Variants in PWWP3B observed in about 807,000 individuals in gnomAD.
PWWP3B encodes PWWP domain-containing DNA repair factor 3B.
In PWWP3B, 5 loss-of-function variants were observed where a neutral mutation model predicts 15.7. The observed-to-expected ratio is 0.32, with a 90% CI of 0.17 to 0.67. The LOEUF is 0.67. Among genes scored for constraint, PWWP3B ranks in the 30% least tolerant of loss-of-function variants. The probability of loss-of-function intolerance (pLI) is 0.74; values close to 1 mark genes in which losing one functional copy is unlikely to be tolerated. For missense variants in PWWP3B, 519 were observed against 493.1 expected, an observed-to-expected ratio of 1.05 and a Z score of -0.50; for synonymous variants, 203 against 179.8, an observed-to-expected ratio of 1.13 and a Z score of -1.03.
In PWWP3B at chrX:106,204,166, A is replaced by G. The variant is rs773255989; in HGVS notation, c.-219A>G. On this transcript the variant is annotated 5_prime_UTR_variant, in exon 3 of 4. Transcript: ENST00000357175. ...CCAGACCCACCAGGATCCACATGACAGTGGGTAAGACTCTTCCCATTTCAT... is the reference window on the plus strand; with the variant it reads ...CCAGACCCACCAGGATCCACATGACGGTGGGTAAGACTCTTCCCATTTCAT... 2.7e-4 allele frequency: 30 copies of G among 112,307 alleles called. No individual in the cohort carries two copies. Among genetic ancestry groups the G allele is most frequent in the African/African-American group, 9.4e-4 (29 of 30,971 alleles). 9.3% of individuals were successfully genotyped at this position (112,307 alleles called of 1,213,427 possible).
chrX:106,188,025 CCT>C (rs912726716), intron 2 of PWWP3B, among the ~76,000 whole-genome samples: 5 of 111,482 alleles, frequency 4.5e-5, no homozygotes, highest in Admixed American at 2.9e-4. Flanking sequence ...TTCCTTCCCT[CCT>C]CTCTTTCCAC....
intron 2 of PWWP3B, among the ~76,000 whole-genome samples, chrX:106,175,598 G>C (rs1489752587): frequency 9.0e-6 from 1 of 110,630 alleles, no homozygotes; most frequent in East Asian, 2.9e-4. Flanking sequence ...CATCATCTTT[G>C]GTTCTACCAA....
intron 2 of PWWP3B, among the ~76,000 whole-genome samples, chrX:106,196,547 A>AT (rs992302640): frequency 1.8e-5 from 2 of 110,819 alleles, no homozygotes; most frequent in East Asian, 2.8e-4. Flanking sequence ...AATTGAGATG[A>AT]TTTTTTTTCT....
In PWWP3B at chrX:106,206,741, A is replaced by C. The variant is rs778299492; in HGVS notation, c.1309A>C (p.Arg437=). ...ANMNSEKKGI[R]VNFRRLKKFD... ...CATGAATTCTGAAAAGAAGGGCATT[A>C]GAGTAAATTTTAGAAGATTAAAGAA... Residue 437 remains arginine (R), a synonymous_variant, in exon 4 of 4, where the codon AGA becomes CGA. Transcript: ENST00000357175. 8.3e-7 allele frequency: 1 copy of C among 1,210,243 alleles called. No individual in the cohort carries two copies.
intron 2 of PWWP3B, among the ~76,000 whole-genome samples, chrX:106,187,474 T>G (rs891413188): frequency 2.5e-4 from 28 of 112,221 alleles, no homozygotes; most frequent in African/African-American, 9.1e-4. Context: ...TTTGTCCCTC[T>G]AAGTCACTAG....
chrX:106,186,520 T>C lies in PWWP3B; in HGVS notation c.-401+15381T>C, dbSNP rs1244496241. Among the ~76,000 whole-genome samples the C allele has an allele frequency of 3.6e-5, 4 of 111,237 alleles. No homozygotes were observed. The Admixed American group carries it at 3.8e-4, about 11-fold the overall frequency. Reference sequence around the variant, plus strand: ...ATAGCAAGAGAAAGGGGTCCAATGGTACTCACCGCTTAGTGATAGGTGATA... The same window carrying C: ...ATAGCAAGAGAAAGGGGTCCAATGGCACTCACCGCTTAGTGATAGGTGATA... On this transcript the variant is annotated intron_variant, in intron 2 of 3. Transcript: ENST00000357175.
intron 2 of PWWP3B, among the ~76,000 whole-genome samples, chrX:106,186,039 A>G (rs1419049513): frequency 9.0e-6 from 1 of 111,570 alleles, no homozygotes; most frequent in Admixed American, 9.5e-5. Flanking sequence ...TTATTCTTAT[A>G]GGAGAAACTA....
chrX:106,202,691 A>T lies in PWWP3B; in HGVS notation c.-400-1294A>T, dbSNP rs191172458. Among the ~76,000 whole-genome samples the T allele has an allele frequency of 5.4e-5, 6 of 111,725 alleles. No homozygotes were observed. In the East Asian group the frequency reaches 1.7e-3, roughly 31 times the overall value. On this transcript the variant is annotated intron_variant, in intron 2 of 3. Transcript: ENST00000357175. ...GAAACAGAGGATTTGGTTTATTTCT[A>T]TACGCAGTTTTCAAAATATTATATG...
chrX:106,203,756 CT>C (rs1923834625), intron 2 of PWWP3B, among the ~76,000 whole-genome samples: 1 of 111,725 alleles, frequency 9.0e-6, no homozygotes, highest in African/African-American at 3.3e-5. Context: ...CTCCACCATA[CT>C]TTTTTTCAGA....
At chrX:106,174,359 A>C (rs746110216) in intron 2 of PWWP3B, among the ~76,000 whole-genome samples, 16 of 111,523 alleles carry the variant, frequency 1.4e-4, no homozygotes, top group Non-Finnish European at 3.0e-4. Context: ...AGAGACCTAA[A>C]CCTCAGAATC....
chrX:106,182,739 G>T (rs1422367294), intron 2 of PWWP3B, among the ~76,000 whole-genome samples: 2 of 109,518 alleles, frequency 1.8e-5, no homozygotes, highest in African/African-American at 6.7e-5. Context: ...CTGCAGGGGG[G>T]TCTGGGGTGA....
chrX:106,175,192 C>T (rs1408504779), intron 2 of PWWP3B, among the ~76,000 whole-genome samples: 4 of 108,132 alleles, frequency 3.7e-5, no homozygotes, highest in Non-Finnish European at 5.7e-5. Flanking sequence ...ATATGTTCAC[C>T]ATCAGAGACA....
chrX:106,174,996 G>C (rs1276357570), intron 2 of PWWP3B, among the ~76,000 whole-genome samples: 1 of 102,620 alleles, frequency 9.7e-6, no homozygotes, highest in Non-Finnish European at 2.0e-5. Context: ...AGCTGAGATC[G>C]TGCCACTGCA....
At position 106,206,100 on chromosome X, in the gene PWWP3B, C is replaced by T; in HGVS notation, c.668C>T (p.Ala223Val). Residue 223 changes from alanine to valine, a missense_variant, in exon 4 of 4, where the codon GCA becomes GTA. Transcript: ENST00000357175. Reference sequence around the variant, plus strand: ...TCAGCAGTTATGTCTGTGCATTCTGCAGTCAAAGAGGAAAGTGCATGTGTT... The same window carrying T: ...TCAGCAGTTATGTCTGTGCATTCTGTAGTCAAAGAGGAAAGTGCATGTGTT... ...DISAVMSVHS[A>V]VKEESACVKD... 12 of 1,210,867 alleles carry T rather than the reference C, an allele frequency of 9.9e-6. No homozygotes were observed. The highest frequency in any genetic ancestry group is 1.3e-5 in the Non-Finnish European group (12 of 894,947).
At chrX:106,172,957 A>G (rs1407774525) in intron 2 of PWWP3B, among the ~76,000 whole-genome samples, 2 of 112,214 alleles carry the variant, frequency 1.8e-5, no homozygotes, top group Non-Finnish European at 3.8e-5. Context: ...CAGCTTTATT[A>G]TAATCTTACA....
chrX:106,206,607 C>T lies in PWWP3B; in HGVS notation c.1175C>T (p.Thr392Ile). 8.3e-7 allele frequency: 1 copy of T among 1,210,199 alleles called. No individual in the cohort carries two copies. The highest frequency in any genetic ancestry group is 1.8e-5 in the South Asian group (1 of 56,682). Reference protein sequence around the residue: ...ILHYETHPFETGMIVWFKYQK... With the variant: ...ILHYETHPFEIGMIVWFKYQK... Reference sequence around the variant, plus strand: ...CATTATGAGACACATCCGTTTGAAACAGGAATGATAGTCTGGTTTAAATAT... The same window carrying T: ...CATTATGAGACACATCCGTTTGAAATAGGAATGATAGTCTGGTTTAAATAT... The change falls in exon 4 of 4, where the codon ACA becomes ATA. Residue 392 changes from threonine to isoleucine, a missense_variant. Coordinates refer to ENST00000357175, the MANE Select transcript of PWWP3B (RefSeq NM_001171020.2).
intron 2 of PWWP3B, among the ~76,000 whole-genome samples, chrX:106,191,946 T>C (rs1425674166): frequency 8.9e-6 from 1 of 111,942 alleles, no homozygotes; most frequent in Non-Finnish European, 1.9e-5. Flanking sequence ...GATTTGCCAG[T>C]ATTTTTTTGA....
chrX:106,194,434 A>G (rs1215990381), intron 2 of PWWP3B, among the ~76,000 whole-genome samples: 1 of 110,973 alleles, frequency 9.0e-6, no homozygotes, highest in African/African-American at 3.3e-5. Context: ...TTCTAGTTAT[A>G]CATTCGTCTA....
intron 2 of PWWP3B, among the ~76,000 whole-genome samples, chrX:106,196,933 T>C (rs138637613): frequency 4.6e-4 from 51 of 111,642 alleles, no homozygotes; most frequent in African/African-American, 1.6e-3. Flanking sequence ...ACTCTAAATT[T>C]TCAGTAGTCT....
Sources: allele counts gnomAD v4.1 joint callset (sites outside exome capture counted in the v4.1 genomes callset), GRCh38; gene constraint gnomAD v4.1.1; transcripts MANE v1.5; gene names NCBI Gene and HGNC (gene_info 2026-07-23, HGNC 2026-07-21).